NPHP1: variants seen among roughly 807,000 people sequenced by gnomAD.
The protein encoded by NPHP1 is nephrocystin-1.
A neutral mutation model predicts 90.4 loss-of-function variants in NPHP1; 70 were observed. The observed-to-expected ratio is 0.77, with a 90% confidence interval of 0.64 to 0.95. The LOEUF (loss-of-function observed/expected upper bound fraction) is 0.95. Among genes scored for constraint, NPHP1 ranks in the 40% least tolerant of loss-of-function variants. The probability of loss-of-function intolerance (pLI) is 0.00; values close to 1 mark genes in which losing one functional copy is unlikely to be tolerated. For synonymous variants in NPHP1, 256 were observed against 271.7 expected, an observed-to-expected ratio of 0.94 and a Z score of 0.57; for missense variants, 764 against 795.9, an observed-to-expected ratio of 0.96 and a Z score of 0.48.
chr2:110,197,046 G>A (rs893030503), intron 2 of NPHP1, among the ~76,000 whole-genome samples: 12 of 152,070 alleles, frequency 7.9e-5, no homozygotes, highest in Non-Finnish European at 1.8e-4. Context: ...ACCAAACTCC[G>A]CATGTTCTCA....
At position 110,171,628 on chromosome 2, in the gene NPHP1, A is replaced by G. The variant is rs895333646; in HGVS notation, c.330-1630T>C. Among the ~76,000 whole-genome samples, 2 of 152,058 alleles carry G rather than the reference A, an allele frequency of 1.3e-5. 1 individual carries two copies. Among genetic ancestry groups the G allele is most frequent in the Non-Finnish European group, 2.9e-5 (2 of 68,040 alleles). ...TCCTTCTTTAGGAGATATTTTGCACATATTTTATATGGGTCAATTATTCTA... is the reference window on the plus strand; with the variant it reads ...TCCTTCTTTAGGAGATATTTTGCACGTATTTTATATGGGTCAATTATTCTA... On this transcript the variant is annotated intron_variant, in intron 4 of 19. Transcript: ENST00000445609.
At chr2:110,169,326 C>T (rs1280130340) in intron 5 of NPHP1, among the ~76,000 whole-genome samples, 1 of 152,060 alleles carries the variant, frequency 6.6e-6, no homozygotes, top group Non-Finnish European at 1.5e-5. Flanking sequence ...ATTTCTCTAG[C>T]AGAAAACACA....
At chr2:110,137,824 G>C (rs1407886646) in intron 16 of NPHP1, among the ~76,000 whole-genome samples, 6 of 150,710 alleles carry the variant, frequency 4.0e-5, no homozygotes, top group African/African-American at 1.5e-4. Context: ...CCCATTACTG[G>C]GTATATACCC....
Position 110,152,796 on chromosome 2 carries a change from TG to T in NPHP1, c.1084-2541del, listed in dbSNP as rs560241197. On this transcript the variant is annotated intron_variant, in intron 11 of 19. Transcript: ENST00000445609. Reference sequence around the variant, plus strand: ...TCTACGTCAAGATCTGGTTCTGAACTGGGGTTGGGAGAGGAGGGTGATGTAC... The same window carrying T: ...TCTACGTCAAGATCTGGTTCTGAACTGGGTTGGGAGAGGAGGGTGATGTAC... Among the ~76,000 whole-genome samples the T allele has an allele frequency of 6.3e-4, 95 of 151,842 alleles. 1 individual carries two copies. Among genetic ancestry groups the T allele is most frequent in the African/African-American group, 2.2e-3 (91 of 41,398 alleles).
At chr2:110,164,639 C>G in intron 8 of NPHP1, 49 bp downstream of exon 8, 1 of 1,613,710 alleles carries the variant, frequency 6.2e-7, no homozygotes, top group South Asian at 1.1e-5. Context: ...CGCATCAGAA[C>G]TATTAGGTAG....
At chr2:110,180,711 T>A (rs1471687240) in intron 2 of NPHP1, among the ~76,000 whole-genome samples, 1 of 152,088 alleles carries the variant, frequency 6.6e-6, no homozygotes, top group African/African-American at 2.4e-5. Flanking sequence ...AGAGCCAACC[T>A]GGGAGTGGCA....
At chr2:110,186,048 T>A (rs1421452434) in intron 2 of NPHP1, among the ~76,000 whole-genome samples, 1 of 152,166 alleles carries the variant, frequency 6.6e-6, no homozygotes, top group African/African-American at 2.4e-5. Flanking sequence ...GCCACACTAA[T>A]GTTTATAGCA....
chr2:110,173,322 T>C (rs1301190322), intron 4 of NPHP1, among the ~76,000 whole-genome samples: 1 of 152,186 alleles, frequency 6.6e-6, no homozygotes, highest in East Asian at 1.9e-4. Context: ...ATATTCTACA[T>C]AATTTCAAAC....
At chr2:110,164,375 G>T in intron 8 of NPHP1, 1 of 649,012 alleles carries the variant, frequency 1.5e-6, no homozygotes, top group Middle Eastern at 4.0e-4. Flanking sequence ...AGGATTTTTC[G>T]AATAGTAAAT....
chr2:110,196,411 T>C (rs1366560877), intron 2 of NPHP1, among the ~76,000 whole-genome samples: 2 of 152,084 alleles, frequency 1.3e-5, no homozygotes, highest in African/African-American at 4.8e-5. Flanking sequence ...AAAATGCTCA[T>C]CATCACTGGC....
chr2:110,155,521 G>A (rs1681825452), intron 11 of NPHP1, among the ~76,000 whole-genome samples: 1 of 152,174 alleles, frequency 6.6e-6, no homozygotes, highest in East Asian at 1.9e-4. Context: ...AAGCAGCCAG[G>A]AGTGGGGTTA....
intron 19 of NPHP1, 126 bp from the exon 20 acceptor site, chr2:110,124,189 G>T: frequency 1.9e-6 from 2 of 1,035,628 alleles, no homozygotes; most frequent in Non-Finnish European, 3.0e-6. Flanking sequence ...GCAGGTATCG[G>T]CTCTGAGCCA....
chr2:110,167,742 C>T (rs557134424), intron 6 of NPHP1, among the ~76,000 whole-genome samples: 3 of 152,172 alleles, frequency 2.0e-5, no homozygotes, highest in South Asian at 2.1e-4. Flanking sequence ...TGACTGGCAA[C>T]GGAAGTGAGC....
At chr2:110,166,141 T>G (rs956693699) in intron 6 of NPHP1, among the ~76,000 whole-genome samples, 19 of 152,172 alleles carry the variant, frequency 1.2e-4, no homozygotes, top group Non-Finnish European at 2.4e-4. Flanking sequence ...TCACTGATTG[T>G]TAGAGGTGGG....
At chr2:110,165,228 C>T (rs1682643166) in intron 6 of NPHP1, 73 bp from the exon 7 acceptor site, 1 of 1,113,992 alleles carries the variant, frequency 9.0e-7, no homozygotes, top group Non-Finnish European at 1.4e-6. Flanking sequence ...CCAGTACTGC[C>T]ACCTAACCCT....
chr2:110,152,546 C>T (rs1332379399), intron 11 of NPHP1, among the ~76,000 whole-genome samples: 1 of 150,474 alleles, frequency 6.6e-6, no homozygotes, highest in African/African-American at 2.5e-5. Flanking sequence ...CTATATATCA[C>T]CCCATGATAG....
chr2:110,152,888 C>T lies in NPHP1; in HGVS notation c.1084-2632G>A, dbSNP rs1179425720. Among the ~76,000 whole-genome samples the T allele has an allele frequency of 4.0e-5, 6 of 151,374 alleles. No homozygotes were observed. In the South Asian group the frequency reaches 1.0e-3, roughly 26 times the overall value. On this transcript the variant is annotated intron_variant, in intron 11 of 19. Coordinates refer to ENST00000445609, the MANE Select transcript of NPHP1 (RefSeq NM_001128178.3). ...GCACTGGAAGAAATAATTGGAGTTGCAAAGGTATTTGAGAAAATAATGGCT... is the reference window on the plus strand; with the variant it reads ...GCACTGGAAGAAATAATTGGAGTTGTAAAGGTATTTGAGAAAATAATGGCT...
At position 110,178,473 on chromosome 2, in the gene NPHP1, G is replaced by C; in HGVS notation, c.279C>G (p.Thr93=). The change falls in exon 4 of 20, where the codon ACC becomes ACG. Residue 93 remains threonine, a synonymous_variant. Coordinates refer to ENST00000445609, the MANE Select transcript of NPHP1 (RefSeq NM_001128178.3). The stretch of plus-strand genomic sequence containing the variant: ...TCACAGCAAGGCCCTGCAGTTGTTG[G>C]GTAAGCTTGTCCAAAAGAGTATGCT... ...EEEHTLLDKL[T]QQLQGLAVTI... The C allele has an allele frequency of 6.2e-7, 1 of 1,613,782 alleles. No homozygotes were observed. The highest frequency in any genetic ancestry group is 1.7e-4 in the Middle Eastern group (1 of 6,058).
chr2:110,157,321 G>C (rs1424238134), intron 11 of NPHP1, among the ~76,000 whole-genome samples: 1 of 152,060 alleles, frequency 6.6e-6, no homozygotes, highest in Non-Finnish European at 1.5e-5. Context: ...CCAGATGTAT[G>C]AAACAGAAAC....
Sources: gnomAD v4.1 joint callset for allele counts (sites outside exome capture counted in the v4.1 genomes callset) on GRCh38, gnomAD v4.1.1 for gene constraint, MANE v1.5 for transcripts, NCBI Gene and HGNC (gene_info 2026-07-23, HGNC 2026-07-21) for gene names.